ARHGAP26: variants seen among roughly 807,000 people sequenced by gnomAD.
The protein encoded by ARHGAP26 is rho GTPase-activating protein 26.
A neutral mutation model predicts 104.8 loss-of-function variants in ARHGAP26; 38 were observed. The ratio of observed to expected loss-of-function variants is 0.36; its 90% CI spans 0.28 to 0.48. The LOEUF is 0.48. Among genes scored for constraint, ARHGAP26 ranks in the 20% least tolerant of loss-of-function variants. The pLI is 0.99. For synonymous variants in ARHGAP26, 341 were observed against 340.0 expected, an observed-to-expected ratio of 1.00 and a Z score of -0.03; for missense variants, 704 against 947.9, an observed-to-expected ratio of 0.74 and a Z score of 3.38.
At position 142,844,051 on chromosome 5, in the gene ARHGAP26, G is replaced by GTTTTT. The variant is rs34122289; in HGVS notation, c.155-29335_155-29331dup. 4.5e-4 allele frequency among the ~76,000 whole-genome samples: 59 copies of GTTTTT among 132,146 alleles called. 1 individual carries two copies. The highest frequency in any genetic ancestry group is 1.5e-3 in the African/African-American group (53 of 35,044). The allele number at this position is 132,146 out of a possible 152,430, so 86.7% of individuals were successfully genotyped here. A position where few individuals can be genotyped will look rare whatever the true frequency, so the allele number is the denominator to read the frequency against. ...ATCATTACATGTGAGCTAAAAGTGA[G>GTTTTT]TTTTTTTTTTTTTTTTTTGAGACAG... On this transcript the variant is annotated intron_variant, in intron 1 of 22. Coordinates refer to ENST00000645722, the MANE Select transcript of ARHGAP26 (RefSeq NM_001135608.3).
intron 22 of ARHGAP26, among the ~76,000 whole-genome samples, chr5:143,214,800 G>C (rs984737834): frequency 4.6e-5 from 7 of 152,244 alleles, no homozygotes; most frequent in Non-Finnish European, 8.8e-5. Flanking sequence ...TCAACCCTTG[G>C]CCTTCTGGGT....
At chr5:143,084,643 C>T (rs914476636) in intron 17 of ARHGAP26, among the ~76,000 whole-genome samples, 1 of 152,212 alleles carries the variant, frequency 6.6e-6, no homozygotes, top group Non-Finnish European at 1.5e-5. Flanking sequence ...TCTCCAGCCT[C>T]GCCTGTCTCC....
chr5:142,878,273 G>T (rs537550030), intron 3 of ARHGAP26, among the ~76,000 whole-genome samples: 11 of 152,162 alleles, frequency 7.2e-5, no homozygotes, highest in Non-Finnish European at 1.6e-4. Context: ...GTAAAATATT[G>T]TACTGCCTTA....
chr5:143,032,468 C>A (rs1385236458), intron 12 of ARHGAP26, among the ~76,000 whole-genome samples: 1 of 152,208 alleles, frequency 6.6e-6, no homozygotes, highest in East Asian at 1.9e-4. Flanking sequence ...AAATCCCTGA[C>A]CTTTTCTGAG....
intron 12 of ARHGAP26, among the ~76,000 whole-genome samples, chr5:143,036,445 C>T (rs1782656329): frequency 6.6e-6 from 1 of 152,176 alleles, no homozygotes; most frequent in Non-Finnish European, 1.5e-5. Flanking sequence ...TTGCTCATTT[C>T]CCCCTAGAGG....
At chr5:142,776,856 A>G (rs903262342) in intron 1 of ARHGAP26, among the ~76,000 whole-genome samples, 2 of 152,250 alleles carry the variant, frequency 1.3e-5, no homozygotes, top group African/African-American at 2.4e-5. Flanking sequence ...TTTCCATAAC[A>G]GAAGCACCGT....
intron 17 of ARHGAP26, among the ~76,000 whole-genome samples, chr5:143,106,371 T>C (rs1167974035): frequency 6.6e-6 from 1 of 151,882 alleles, no homozygotes; most frequent in Non-Finnish European, 1.5e-5. Context: ...TGGCAACGAT[T>C]GCACAGCTTC....
rs150735430 is a variant in ARHGAP26 at position 142,845,731 on chromosome 5, C to G, written c.155-27669C>G. ...GGCTGGTGTCCAGATAACTGGCGGC[C>G]CTGTCTTCTGGCTGGCAGGTCCTCA... On this transcript the variant is annotated intron_variant, in intron 1 of 22. Transcript: ENST00000645722. 6.1e-3 allele frequency among the ~76,000 whole-genome samples: 924 copies of G among 152,220 alleles called. 16 individuals carry two copies. Among genetic ancestry groups the G allele is most frequent in the Non-Finnish European group, 5.1e-3 (350 of 68,014 alleles).
Position 143,207,291 on chromosome 5 carries a change from C to G in ARHGAP26, c.2082C>G (p.Ser694Arg). The change falls in exon 21 of 23, where the codon AGC (serine) becomes AGG (arginine). Residue 694 changes from serine to arginine, a missense_variant. By Grantham distance (110) the Ser-to-Arg change is moderately radical. Coordinates refer to ENST00000645722, the MANE Select transcript of ARHGAP26 (RefSeq NM_001135608.3). ...CTATGCCCACCTCATCCACGTCCAG[C>G]GACTCATCCCCCGTCAGGTCTGTTG... is the stretch of plus-strand genomic sequence containing the variant. ...SSPMPTSSTS[S>R]DSSPVSTPFR... The G allele has an allele frequency of 6.2e-7, 1 of 1,614,128 alleles. No individual in the cohort carries two copies. Among genetic ancestry groups the G allele is most frequent in the South Asian group, 1.1e-5 (1 of 91,078 alleles).
chr5:143,133,141 A>G (rs572737498), intron 18 of ARHGAP26, among the ~76,000 whole-genome samples: 1 of 152,328 alleles, frequency 6.6e-6, no homozygotes, highest in South Asian at 2.1e-4. Context: ...GTAGAAATAA[A>G]GATGAGAGTT....
rs553734156 is a variant in ARHGAP26 at position 143,198,640 on chromosome 5, A to G, written c.1989-8558A>G. 1.1e-4 allele frequency among the ~76,000 whole-genome samples: 17 copies of G among 152,266 alleles called. No homozygotes were observed. In the South Asian group the frequency reaches 2.9e-3, roughly 26 times the overall value. ...TTTTCCCTCTACCTCATATTTCTGT[A>G]TTATTCAGTGAGAAAAGATTCGGAT... is the stretch of plus-strand genomic sequence containing the variant. On this transcript the variant is annotated intron_variant, in intron 20 of 22. Coordinates refer to ENST00000645722, the MANE Select transcript of ARHGAP26 (RefSeq NM_001135608.3).
rs575435887 is a variant in ARHGAP26 at position 143,215,291 on chromosome 5, C to G, written c.2191+1203C>G. ...CTGTCCTCTAAGTCCCAATTCACTG[C>G]TCATATGGGCAGGGGATCATCATGT... On this transcript the variant is annotated intron_variant, in intron 22 of 22. Coordinates refer to ENST00000645722, the MANE Select transcript of ARHGAP26 (RefSeq NM_001135608.3). Among the ~76,000 whole-genome samples the G allele has an allele frequency of 2.0e-5, 3 of 152,352 alleles. No homozygotes were observed. In the South Asian group the frequency reaches 6.2e-4, roughly 32 times the overall value.
intron 1 of ARHGAP26, among the ~76,000 whole-genome samples, chr5:142,845,695 G>A (rs1381569078): frequency 1.3e-5 from 2 of 152,208 alleles, no homozygotes; most frequent in African/African-American, 4.8e-5. Context: ...AAGCAGCTGA[G>A]TGTCAGCTCT....
At chr5:143,026,294 T>C (rs1781053150) in intron 12 of ARHGAP26, among the ~76,000 whole-genome samples, 1 of 152,170 alleles carries the variant, frequency 6.6e-6, no homozygotes, top group South Asian at 2.1e-4. Flanking sequence ...ATGGAGCATA[T>C]ACAATGAAAA....
intron 8 of ARHGAP26, among the ~76,000 whole-genome samples, chr5:142,906,991 C>G (rs543227921): frequency 6.6e-6 from 1 of 152,076 alleles, no homozygotes; most frequent in Admixed American, 6.6e-5. Context: ...GCTTTGTTTT[C>G]AAGTAATTGG....
At chr5:142,998,480 G>T (rs1776733824) in intron 11 of ARHGAP26, among the ~76,000 whole-genome samples, 1 of 152,164 alleles carries the variant, frequency 6.6e-6, no homozygotes, top group Admixed American at 6.5e-5. Flanking sequence ...AGTCCACTTG[G>T]TTGCCTTGGC....
At chr5:143,065,921 A>G (rs1420395910) in intron 17 of ARHGAP26, among the ~76,000 whole-genome samples, 1 of 152,184 alleles carries the variant, frequency 6.6e-6, no homozygotes, top group African/African-American at 2.4e-5. Context: ...TGGTCTCAAG[A>G]GATTGAGCAA....
intron 11 of ARHGAP26, among the ~76,000 whole-genome samples, chr5:142,958,557 A>G (rs551193111): frequency 1.3e-3 from 202 of 152,256 alleles, no homozygotes; most frequent in Non-Finnish European, 2.4e-3. Flanking sequence ...AGTGCTAGCT[A>G]CTTGGGAGGC....
chr5:142,807,101 G>C (rs917986781), intron 1 of ARHGAP26, among the ~76,000 whole-genome samples: 8 of 152,194 alleles, frequency 5.3e-5, no homozygotes, highest in African/African-American at 1.9e-4. Flanking sequence ...AATGACAACC[G>C]TGATAATGGT....
Sources: allele counts gnomAD v4.1 joint callset (sites outside exome capture counted in the v4.1 genomes callset), GRCh38; gene constraint gnomAD v4.1.1; transcripts MANE v1.5; gene names NCBI Gene and HGNC (gene_info 2026-07-23, HGNC 2026-07-21).